The following CTNNA3 variants were observed in gnomAD, a reference collection of about 807,000 sequenced individuals.
CTNNA3 encodes the protein catenin alpha-3.
Under a neutral mutation model 95.7 loss-of-function variants are expected in CTNNA3, and 76 were observed. The observed-to-expected ratio is 0.79, with a 90% CI of 0.66 to 0.96. The LOEUF (loss-of-function observed/expected upper bound fraction) is 0.96, where lower values mean the gene tolerates loss of function less well. Ranked by LOEUF, CTNNA3 falls within the 40% of genes least tolerant of loss-of-function variation. The probability of loss-of-function intolerance (pLI) is 0.00; values close to 1 mark genes in which losing one functional copy is unlikely to be tolerated. For synonymous variants in CTNNA3, 431 were observed against 374.4 expected (o/e 1.15, Z -1.74); for missense variants, 1,191 against 1,089.8 (o/e 1.09, Z -1.31).
intron 13 of CTNNA3, among the ~76,000 whole-genome samples, chr10:66,140,650 T>C (rs1417092087): frequency 1.3e-5 from 2 of 152,208 alleles, no homozygotes; most frequent in African/African-American, 4.8e-5. Flanking sequence ...AATAACTCTT[T>C]AGGAACATTC....
intron 7 of CTNNA3, among the ~76,000 whole-genome samples, chr10:67,026,783 G>A (rs1853417221): frequency 6.6e-6 from 1 of 152,172 alleles, no homozygotes; most frequent in Non-Finnish European, 1.5e-5. Flanking sequence ...GACATAAGGA[G>A]AGATTTATGA....
At chr10:66,651,953 A>C (rs1442306784) in intron 9 of CTNNA3, among the ~76,000 whole-genome samples, 1 of 152,076 alleles carries the variant, frequency 6.6e-6, no homozygotes, top group East Asian at 1.9e-4. Flanking sequence ...CCAAGGAGGC[A>C]CCGAGAGCGA....
intron 17 of CTNNA3, among the ~76,000 whole-genome samples, chr10:65,921,740 G>T (rs928409916): frequency 2.3e-4 from 35 of 152,148 alleles, no homozygotes; most frequent in Admixed American, 2.0e-3. Flanking sequence ...ATGCTGCTTG[G>T]AAAGATATAT....
rs1209846334 is a variant in CTNNA3, at chr10:67,358,406, T to C, written c.580-138536A>G. ...ACCAAGGAAAAAACAAAATATGGGG[T>C]AAACCATCACACTTTGCACAGATCT... On this transcript the variant is annotated intron_variant, in intron 5 of 17. Coordinates refer to ENST00000433211, the MANE Select transcript of CTNNA3 (RefSeq NM_013266.4). Among the ~76,000 whole-genome samples the C allele has an allele frequency of 3.2e-4, 49 of 151,880 alleles. 1 individual carries two copies. Among genetic ancestry groups the C allele is most frequent in the Non-Finnish European group, 7.2e-4 (49 of 67,946 alleles).
At chr10:67,263,054 T>C (rs1050689440) in intron 5 of CTNNA3, among the ~76,000 whole-genome samples, 1 of 152,194 alleles carries the variant, frequency 6.6e-6, no homozygotes, top group African/African-American at 2.4e-5. Flanking sequence ...AACACAGCAC[T>C]TGGAGAAAAC....
At chr10:66,283,803 G>C (rs1027267531) in intron 12 of CTNNA3, among the ~76,000 whole-genome samples, 2 of 151,804 alleles carry the variant, frequency 1.3e-5, no homozygotes, top group Non-Finnish European at 2.9e-5. Flanking sequence ...ACATATGGTT[G>C]CTTGGATCAA....
intron 1 of CTNNA3, among the ~76,000 whole-genome samples, chr10:67,664,292 T>C (rs1840274591): frequency 6.6e-6 from 1 of 152,190 alleles, no homozygotes; most frequent in South Asian, 2.1e-4. Context: ...TAACCAAATT[T>C]TTTTCTGAAC....
chr10:67,603,326 A>T (rs1843148074), intron 3 of CTNNA3, among the ~76,000 whole-genome samples: 1 of 152,168 alleles, frequency 6.6e-6, no homozygotes, highest in Non-Finnish European at 1.5e-5. Flanking sequence ...GTGGTCCCAT[A>T]GGAATATAGT....
At chr10:66,343,412 T>C (rs1275503352) in intron 12 of CTNNA3, among the ~76,000 whole-genome samples, 1 of 152,118 alleles carries the variant, frequency 6.6e-6, no homozygotes, top group Non-Finnish European at 1.5e-5. Flanking sequence ...AATGAAATCC[T>C]GTCTTTCACA....
chr10:65,989,017 T>C lies in CTNNA3; in HGVS notation c.2160-220A>G, dbSNP rs2078485232. 2.0e-5 allele frequency among the ~76,000 whole-genome samples: 3 copies of C among 152,276 alleles called. No homozygotes were observed. The South Asian group carries it at 6.2e-4, about 32-fold the overall frequency. ...GTGCAGTGGTGCAGTCTCGGCTCACTGCAACCTCCGCTTCTCGGGTTCAAG... is the reference window on the plus strand; with the variant it reads ...GTGCAGTGGTGCAGTCTCGGCTCACCGCAACCTCCGCTTCTCGGGTTCAAG... On this transcript the variant is annotated intron_variant, in intron 15 of 17. Transcript: ENST00000433211.
intron 2 of CTNNA3, among the ~76,000 whole-genome samples, chr10:67,629,138 T>C (rs920816158): frequency 6.6e-6 from 1 of 152,198 alleles, no homozygotes; most frequent in African/African-American, 2.4e-5. Flanking sequence ...TAATTATTTT[T>C]ATGTTTTGTT....
At chr10:66,688,333 G>A (rs2132526511) in intron 9 of CTNNA3, among the ~76,000 whole-genome samples, 1 of 152,048 alleles carries the variant, frequency 6.6e-6, no homozygotes, top group African/African-American at 2.4e-5. Context: ...TTACCCATTT[G>A]CCCTCATGAT....
At chr10:67,571,623 G>A (rs1031251673) in intron 3 of CTNNA3, among the ~76,000 whole-genome samples, 1 of 152,134 alleles carries the variant, frequency 6.6e-6, no homozygotes, top group African/African-American at 2.4e-5. Context: ...TATACAGGCT[G>A]GGTGCCCAAG....
chr10:67,484,438 CA>C (rs1050840420), intron 5 of CTNNA3, among the ~76,000 whole-genome samples: 1 of 150,256 alleles, frequency 6.7e-6, no homozygotes, highest in Non-Finnish European at 1.5e-5. Flanking sequence ...AACCATTTAC[CA>C]AAAAAAAAGT....
At chr10:67,423,173 G>C (rs1178644413) in intron 5 of CTNNA3, among the ~76,000 whole-genome samples, 1 of 152,012 alleles carries the variant, frequency 6.6e-6, no homozygotes, top group Admixed American at 6.6e-5. Flanking sequence ...CCTTCTTCAG[G>C]AAACAGCACC....
chr10:66,921,524 C>G (rs1461403299), intron 7 of CTNNA3, among the ~76,000 whole-genome samples: 1 of 152,182 alleles, frequency 6.6e-6, no homozygotes, highest in Non-Finnish European at 1.5e-5. Flanking sequence ...CACTTGGTCT[C>G]TCCATTCTAG....
At chr10:67,761,972 A>G (rs1479075234) in intron 1 of CTNNA3, among the ~76,000 whole-genome samples, 3 of 152,148 alleles carry the variant, frequency 2.0e-5, no homozygotes, top group African/African-American at 7.2e-5. Context: ...TATGGTTGCA[A>G]AACAATGTTT....
At chr10:66,754,769 C>T (rs1589218451) in intron 9 of CTNNA3, among the ~76,000 whole-genome samples, 1 of 152,070 alleles carries the variant, frequency 6.6e-6, no homozygotes, top group African/African-American at 2.4e-5. Context: ...GCCACTTCAC[C>T]CCCACGATGA....
chr10:67,730,882 A>C lies in CTNNA3; in HGVS notation c.-2+32552T>G, dbSNP rs943799820. On this transcript the variant is annotated intron_variant, in intron 1 of 17. Coordinates refer to the CTNNA3 transcript ENST00000684154. Reference sequence around the variant, plus strand: ...AAAAAGAGAAGTTCTAGTAGAAAGGAAATTTAATTATAGCACAATATGTGG... The same window carrying C: ...AAAAAGAGAAGTTCTAGTAGAAAGGCAATTTAATTATAGCACAATATGTGG... 1.2e-4 allele frequency among the ~76,000 whole-genome samples: 18 copies of C among 152,282 alleles called. No individual in the cohort carries two copies. The East Asian group carries it at 3.5e-3, about 29-fold the overall frequency.
Sources: allele counts gnomAD v4.1 joint callset (sites outside exome capture counted in the v4.1 genomes callset), GRCh38; gene constraint gnomAD v4.1.1; transcripts MANE v1.5; gene names NCBI Gene and HGNC (gene_info 2026-07-23, HGNC 2026-07-21).